SOCS2: variants seen among roughly 807,000 people sequenced by gnomAD.
SOCS2 encodes the protein suppressor of cytokine signaling 2.
SOCS2 carries 10 observed loss-of-function variants against 18.6 expected under a neutral mutation model. That is an observed-to-expected ratio of 0.54 (90% CI 0.33 to 0.91). SOCS2 has a LOEUF of 0.91. Ranked by LOEUF, SOCS2 falls within the 40% of genes least tolerant of loss-of-function variation. SOCS2 has a pLI of 0.02. For synonymous variants in SOCS2, 104 were observed against 104.0 expected (o/e 1.00, Z 0.00); for missense variants, 231 against 247.2 (o/e 0.93, Z 0.44).
At chr12:93,599,294 C>A in the SOCS2 span, among the ~76,000 whole-genome samples, 6 of 150,928 alleles carry the variant, frequency 4.0e-5, no homozygotes, top group African/African-American at 1.2e-4. Flanking sequence ...GCTGGAACTA[C>A]AGGCATGCAC....
the SOCS2 span, among the ~76,000 whole-genome samples, chr12:93,626,014 G>C: frequency 2.0e-5 from 3 of 152,158 alleles, no homozygotes; most frequent in Non-Finnish European, 2.9e-5. Context: ...AGCAACAACA[G>C]AAGCAATTGG....
downstream of SOCS2, among the ~76,000 whole-genome samples, chr12:93,581,063 TA>T (rs778974156): frequency 1.3e-5 from 2 of 152,246 alleles, no homozygotes; most frequent in Admixed American, 1.3e-4. Flanking sequence ...ACAAACTGGC[TA>T]AAAAAATATC....
At chr12:93,583,772 C>G (rs901301687), downstream of SOCS2, among the ~76,000 whole-genome samples, 3 of 152,190 alleles carry the variant, frequency 2.0e-5, no homozygotes, top group African/African-American at 7.2e-5. Flanking sequence ...AAAGCTAGAA[C>G]ATTTACTAAT....
chr12:93,622,328 A>G, the SOCS2 span, among the ~76,000 whole-genome samples: 1 of 152,192 alleles, frequency 6.6e-6, no homozygotes, highest in Non-Finnish European at 1.5e-5. Flanking sequence ...ATCTCAATTA[A>G]GAGGTCTGAG....
chr12:93,582,376 G>T (rs1954551540), intron 1 of SOCS2, among the ~76,000 whole-genome samples: 1 of 152,144 alleles, frequency 6.6e-6, no homozygotes, highest in Non-Finnish European at 1.5e-5. Flanking sequence ...GAAAACAACA[G>T]AACTAAGTTT....
the SOCS2 span, among the ~76,000 whole-genome samples, chr12:93,614,523 C>T: frequency 1.2e-4 from 10 of 82,342 alleles, no homozygotes; most frequent in Admixed American, 4.5e-4. Context: ...TTCCTTCCTT[C>T]CTTCCTTCCT....
the SOCS2 span, among the ~76,000 whole-genome samples, chr12:93,625,166 G>A: frequency 6.6e-6 from 1 of 152,128 alleles, no homozygotes; most frequent in South Asian, 2.1e-4. Context: ...TCTCCTGGGG[G>A]AGCCAAATAG....
chr12:93,612,000 T>C, the SOCS2 span, among the ~76,000 whole-genome samples: 1 of 152,206 alleles, frequency 6.6e-6, no homozygotes, highest in African/African-American at 2.4e-5. Context: ...TTTGATTGAA[T>C]TCTCAGTCAG....
chr12:93,619,730 C>T, the SOCS2 span, among the ~76,000 whole-genome samples: 3 of 152,134 alleles, frequency 2.0e-5, no homozygotes, highest in Non-Finnish European at 4.4e-5. Flanking sequence ...GTGTTTTTCC[C>T]TTGCATTACA....
chr12:93,616,070 C>T, the SOCS2 span, among the ~76,000 whole-genome samples: 1 of 152,212 alleles, frequency 6.6e-6, no homozygotes, highest in African/African-American at 2.4e-5. Flanking sequence ...TCAGCCCTTC[C>T]CACTCTTGGT....
At chr12:93,607,649 A>T in the SOCS2 span, among the ~76,000 whole-genome samples, 1 of 152,222 alleles carries the variant, frequency 6.6e-6, no homozygotes, top group African/African-American at 2.4e-5. Context: ...ATTCACAGGG[A>T]TGCCAAACCC....
At chr12:93,600,165 G>T in the SOCS2 span, among the ~76,000 whole-genome samples, 1 of 152,000 alleles carries the variant, frequency 6.6e-6, no homozygotes, top group East Asian at 1.9e-4. Context: ...GGAGATAAAG[G>T]TATAGATTTA....
rs565096749 is a variant in SOCS2, at chr12:93,573,275, C to A, written c.139+239C>A. ...CGCGGGAAGAGCTTCTTGGAAATAG[C>A]TTCTTAGCACGCTGGAAGATTTACT... On this transcript the variant is annotated intron_variant, in intron 1 of 1. Transcript: ENST00000551556. The A allele has an allele frequency of 2.7e-5, 16 of 593,002 alleles. No individual in the cohort carries two copies. The South Asian group carries it at 3.4e-4, about 12-fold the overall frequency. 36.7% of individuals were successfully genotyped at this position (593,002 alleles called of 1,614,324 possible).
At chr12:93,588,578 A>C in the SOCS2 span, among the ~76,000 whole-genome samples, 1 of 151,520 alleles carries the variant, frequency 6.6e-6, no homozygotes, top group Non-Finnish European at 1.5e-5. Flanking sequence ...GAGGAAGAGG[A>C]GTTGGAAGAA....
chr12:93,573,580 C>T (rs942612102), intron 1 of SOCS2: 46 of 201,096 alleles, frequency 2.3e-4, no homozygotes, highest in African/African-American at 9.9e-4. Context: ...GCCCAGGGTA[C>T]TGCCGCTTTC....
chr12:93,605,133 A>G, the SOCS2 span, among the ~76,000 whole-genome samples: 1 of 152,126 alleles, frequency 6.6e-6, no homozygotes, highest in South Asian at 2.1e-4. Context: ...TTGTGTTTAT[A>G]ATGTATTTCA....
At chr12:93,606,988 T>C in the SOCS2 span, among the ~76,000 whole-genome samples, 2 of 152,214 alleles carry the variant, frequency 1.3e-5, no homozygotes, top group Non-Finnish European at 2.9e-5. Context: ...GTGACACTTA[T>C]TTAGCAGTGG....
chr12:93,575,281 C>A lies in SOCS2; in HGVS notation c.*102C>A. ...GTGCTCTGGATAACTATATGGAATG[C>A]TTTCTAAGAACAGCTGAAGCTAATC... On this transcript the variant is annotated 3_prime_UTR_variant, in exon 2 of 2. Coordinates refer to ENST00000551556, the MANE Select transcript of SOCS2 (RefSeq NM_001270471.2). 1.3e-6 allele frequency: 1 copy of A among 753,904 alleles called. No homozygotes were observed. Among genetic ancestry groups the A allele is most frequent in the Non-Finnish European group, 2.1e-6 (1 of 487,648 alleles). The allele number at this position is 753,904 out of a possible 1,614,324, so 46.7% of individuals were successfully genotyped here. A position where few individuals can be genotyped will look rare whatever the true frequency, so the allele number is the denominator to read the frequency against.
the SOCS2 span, among the ~76,000 whole-genome samples, chr12:93,621,463 C>A: frequency 6.6e-6 from 1 of 152,198 alleles, no homozygotes; most frequent in East Asian, 1.9e-4. Context: ...ACTGTATGAC[C>A]AGAACAAGGT....
Sources: allele counts gnomAD v4.1 joint callset (sites outside exome capture counted in the v4.1 genomes callset), GRCh38; gene constraint gnomAD v4.1.1; transcripts MANE v1.5; gene names NCBI Gene and HGNC (gene_info 2026-07-23, HGNC 2026-07-21).